The following CHCHD6 variants were observed in gnomAD, a reference collection of about 807,000 sequenced individuals.
CHCHD6 encodes MICOS complex subunit MIC25.
In CHCHD6, 28 loss-of-function variants were observed where a neutral mutation model predicts 32.3. The ratio of observed to expected loss-of-function variants is 0.87; its 90% CI spans 0.64 to 1.19. The LOEUF (loss-of-function observed/expected upper bound fraction) is 1.19, where lower values mean the gene tolerates loss of function less well. Among genes scored for constraint, CHCHD6 ranks in the 50% most tolerant of loss-of-function variants. The pLI is 0.00. For synonymous variants in CHCHD6, 122 were observed against 117.5 expected (o/e 1.04, Z -0.25); for missense variants, 333 against 307.0 (o/e 1.08, Z -0.63).
chr3:126,795,866 G>A (rs994501181), intron 4 of CHCHD6, among the ~76,000 whole-genome samples: 4 of 152,118 alleles, frequency 2.6e-5, no homozygotes, highest in African/African-American at 9.7e-5. Context: ...CTTCTGCTGG[G>A]GCTCTGTATT....
intron 5 of CHCHD6, among the ~76,000 whole-genome samples, chr3:126,875,858 C>T (rs148757211): frequency 1.8e-4 from 27 of 152,282 alleles, no homozygotes; most frequent in African/African-American, 6.0e-4. Flanking sequence ...AGGAATATTG[C>T]CATGAAAACC....
intron 4 of CHCHD6, among the ~76,000 whole-genome samples, chr3:126,787,900 T>C (rs1392413968): frequency 6.6e-6 from 1 of 152,174 alleles, no homozygotes; most frequent in Non-Finnish European, 1.5e-5. Context: ...CCCTGTCTTG[T>C]GCCAGTTTTC....
chr3:126,715,289 C>T (rs116042752), intron 1 of CHCHD6, among the ~76,000 whole-genome samples: 1,812 of 152,276 alleles, frequency 0.012, 19 homozygotes, highest in Middle Eastern at 0.048. Flanking sequence ...CCACGTTCCA[C>T]CTCCCTGACT....
At chr3:126,863,554 A>C (rs1210537110) in intron 5 of CHCHD6, among the ~76,000 whole-genome samples, 3 of 87,564 alleles carry the variant, frequency 3.4e-5, no homozygotes, top group Admixed American at 1.1e-4. Context: ...CACCATCACC[A>C]CCTCCTCCTC....
At chr3:126,858,988 G>A (rs1197233229) in intron 5 of CHCHD6, among the ~76,000 whole-genome samples, 1 of 152,238 alleles carries the variant, frequency 6.6e-6, no homozygotes, top group Non-Finnish European at 1.5e-5. Flanking sequence ...TCTAGCACTT[G>A]CCACACTCTG....
chr3:126,952,316 A>C (rs1318976096), intron 6 of CHCHD6, among the ~76,000 whole-genome samples: 2 of 152,124 alleles, frequency 1.3e-5, no homozygotes, highest in East Asian at 3.9e-4. Flanking sequence ...CTGCCGACCC[A>C]ACTGAAATTC....
At chr3:126,914,938 A>C (rs1422128725) in intron 6 of CHCHD6, among the ~76,000 whole-genome samples, 188 bp downstream of exon 6, 1 of 152,190 alleles carries the variant, frequency 6.6e-6, no homozygotes, top group African/African-American at 2.4e-5. Flanking sequence ...CCAAATTAGC[A>C]CTCAGTTCTT....
intron 5 of CHCHD6, among the ~76,000 whole-genome samples, chr3:126,913,661 C>T (rs1439876180): frequency 1.3e-5 from 2 of 152,224 alleles, no homozygotes; most frequent in East Asian, 1.9e-4. Context: ...AAACTGCTTC[C>T]TCATGAGTCA....
intron 4 of CHCHD6, among the ~76,000 whole-genome samples, chr3:126,795,648 T>A (rs2107688095): frequency 6.6e-6 from 1 of 152,312 alleles, no homozygotes; most frequent in East Asian, 1.9e-4. Context: ...TCTCTAGGTT[T>A]TCTGGGTTGG....
At chr3:126,812,283 T>G (rs1939687971) in intron 4 of CHCHD6, among the ~76,000 whole-genome samples, 1 of 149,452 alleles carries the variant, frequency 6.7e-6, no homozygotes, top group South Asian at 2.2e-4. Flanking sequence ...CCCTTCTCTC[T>G]GTGGCCTGAT....
intron 1 of CHCHD6, among the ~76,000 whole-genome samples, chr3:126,720,099 C>T (rs1259180057): frequency 6.6e-6 from 1 of 152,150 alleles, no homozygotes; most frequent in African/African-American, 2.4e-5. Flanking sequence ...CCAGGCTGGT[C>T]TTGAACTCCT....
At chr3:126,847,283 T>C (rs965682704) in intron 4 of CHCHD6, among the ~76,000 whole-genome samples, 34 of 152,282 alleles carry the variant, frequency 2.2e-4, no homozygotes, top group African/African-American at 7.5e-4. Context: ...CTCACTCATG[T>C]GACTGTGAGC....
chr3:126,849,897 TGTGCTGC>T (rs1307123022), intron 4 of CHCHD6, among the ~76,000 whole-genome samples: 2 of 152,216 alleles, frequency 1.3e-5, no homozygotes, highest in East Asian at 1.9e-4. Flanking sequence ...AAACCACAGT[TGTGCTGC>T]GTGCTGCGTG....
intron 4 of CHCHD6, among the ~76,000 whole-genome samples, chr3:126,813,388 G>C (rs1327119586): frequency 1.3e-5 from 2 of 152,172 alleles, no homozygotes; most frequent in African/African-American, 2.4e-5. Flanking sequence ...GTACTTTGCT[G>C]TTTTAATAAA....
Position 126,822,967 on chromosome 3 carries a change from A to G in CHCHD6, c.412-29680A>G, listed in dbSNP as rs115861292. 5.1e-3 allele frequency among the ~76,000 whole-genome samples: 777 copies of G among 152,032 alleles called. 4 individuals carry two copies. Among genetic ancestry groups the G allele is most frequent in the Middle Eastern group, 0.041 (12 of 292 alleles). ...GTCACCCAGGCTGGAGTGCGGTGGC[A>G]TGACTGTGGCTCACTGCAGCCTCAG... is the stretch of plus-strand genomic sequence containing the variant. On this transcript the variant is annotated intron_variant, in intron 4 of 7. Coordinates refer to ENST00000290913, the MANE Select transcript of CHCHD6 (RefSeq NM_032343.3).
chr3:126,932,538 C>T (rs1330588677), intron 6 of CHCHD6, among the ~76,000 whole-genome samples: 1 of 152,252 alleles, frequency 6.6e-6, no homozygotes, highest in Non-Finnish European at 1.5e-5. Flanking sequence ...CACCCCGCTT[C>T]TTCCCAGAGT....
intron 5 of CHCHD6, among the ~76,000 whole-genome samples, chr3:126,875,257 C>T (rs1242051966): frequency 6.6e-6 from 1 of 152,258 alleles, no homozygotes; most frequent in Non-Finnish European, 1.5e-5. Context: ...GAAGTACCCA[C>T]CCTGCATGGG....
intron 4 of CHCHD6, among the ~76,000 whole-genome samples, chr3:126,841,944 G>A (rs1941101796): frequency 6.6e-6 from 1 of 151,200 alleles, no homozygotes; most frequent in Non-Finnish European, 1.5e-5. Context: ...CATTGCTTGG[G>A]AATGTTGGAA....
chr3:126,909,909 G>C (rs1184045208), intron 5 of CHCHD6, among the ~76,000 whole-genome samples: 1 of 152,234 alleles, frequency 6.6e-6, no homozygotes, highest in South Asian at 2.1e-4. Flanking sequence ...GGTTCCAGGA[G>C]CTCTCGAGAA....
Sources: allele counts gnomAD v4.1 joint callset (sites outside exome capture counted in the v4.1 genomes callset), GRCh38; gene constraint gnomAD v4.1.1; transcripts MANE v1.5; gene names NCBI Gene and HGNC (gene_info 2026-07-23, HGNC 2026-07-21).